DCUN1D2: variants seen among roughly 807,000 people sequenced by gnomAD.
The protein encoded by DCUN1D2 is DCN1-like protein 2.
A neutral mutation model predicts 30.9 loss-of-function variants in DCUN1D2; 29 were observed. The ratio of observed to expected loss-of-function variants is 0.94; its 90% CI spans 0.70 to 1.28. The LOEUF (loss-of-function observed/expected upper bound fraction) is 1.28, where lower values mean the gene tolerates loss of function less well. DCUN1D2 is among the 50% of genes most tolerant of loss of function. The pLI, the probability that DCUN1D2 is intolerant of heterozygous loss-of-function variation, is 0.00. For missense variants in DCUN1D2, 325 were observed against 316.9 expected, an observed-to-expected ratio of 1.03 and a Z score of -0.19; for synonymous variants, 121 against 115.3, an observed-to-expected ratio of 1.05 and a Z score of -0.32.
In DCUN1D2 at chr13:113,483,919, G is replaced by C. The variant is rs1320049791; in HGVS notation, c.141C>G (p.Asn47Lys). The change falls in exon 2 of 7, where the codon AAC (asparagine) becomes AAG (lysine). Residue 47 changes from asparagine to lysine, a missense_variant. Physicochemically the swap from Asn to Lys is moderately conservative, Grantham distance 94. Transcript: ENST00000478244. ...LDEATDSFFQNPDSLHRESMR... is the reference protein window; with the variant it reads ...LDEATDSFFQKPDSLHRESMR... ...TGGACTCCCTGTGGAGCGAGTCTGG[G>C]TTTTGGAAGAAGCTGTCCGTGGCCT... The C allele has an allele frequency of 6.2e-7, 1 of 1,613,932 alleles. No homozygotes were observed. Among genetic ancestry groups the C allele is most frequent in the East Asian group, 2.2e-5 (1 of 44,896 alleles).
intron 6 of DCUN1D2, among the ~76,000 whole-genome samples, 190 bp from the exon 7 acceptor site, chr13:113,458,298 G>A (rs1038900951): frequency 4.6e-5 from 7 of 152,234 alleles, no homozygotes; most frequent in Admixed American, 2.6e-4. Context: ...CAGGTCGGGA[G>A]CCCTGGTGTG....
At chr13:113,469,368 A>G (rs962708527) in intron 4 of DCUN1D2, among the ~76,000 whole-genome samples, 1 of 152,166 alleles carries the variant, frequency 6.6e-6, no homozygotes, top group Non-Finnish European at 1.5e-5. Flanking sequence ...TGGGAAACAC[A>G]CCAACAGAAC....
intron 5 of DCUN1D2, among the ~76,000 whole-genome samples, chr13:113,459,785 A>C (rs1051089835): frequency 4.0e-5 from 6 of 151,134 alleles, no homozygotes; most frequent in Admixed American, 1.3e-4. Context: ...AATTACACAT[A>C]GTTTTCTGCA....
upstream of DCUN1D2, chr13:113,490,732 G>C (rs940656654): frequency 6.8e-6 from 8 of 1,174,242 alleles, no homozygotes; most frequent in Admixed American, 1.9e-4. The surrounding 1 kb of genome is among the most constrained non-coding windows in gnomAD (Gnocchi z 5.2). Context: ...CGGCGGCTCC[G>C]CCCTCGTCCT....
At chr13:113,491,439 TC>T (rs958750266), upstream of DCUN1D2, among the ~76,000 whole-genome samples, 11 of 129,070 alleles carry the variant, frequency 8.5e-5, no homozygotes, top group Non-Finnish European at 3.2e-5. Flanking sequence ...CTCCCCTCTC[TC>T]CCTCCCCGGG....
chr13:113,488,613 G>A lies in DCUN1D2; in HGVS notation c.3+2054C>T, dbSNP rs1053057194. 6.6e-6 allele frequency among the ~76,000 whole-genome samples: 1 copy of A among 152,174 alleles called. No homozygotes were observed. The highest frequency in any genetic ancestry group is 6.5e-5 in the Admixed American group (1 of 15,286). Reference sequence around the variant, plus strand: ...CTAAACCCAGATCAAATTTACAAAGGCCCAGACATTGGCAGTAAGCTTTGA... The same window carrying A: ...CTAAACCCAGATCAAATTTACAAAGACCCAGACATTGGCAGTAAGCTTTGA... On this transcript the variant is annotated intron_variant, in intron 1 of 6. Transcript: ENST00000478244. The surrounding 1 kb of genome is among the most constrained non-coding windows in gnomAD (Gnocchi z 4.3).
intron 3 of DCUN1D2, among the ~76,000 whole-genome samples, chr13:113,477,370 T>C (rs889138698): frequency 3.3e-5 from 5 of 152,220 alleles, no homozygotes; most frequent in Admixed American, 1.3e-4. Context: ...TCTAGGTATT[T>C]TGTATTTTTG....
chr13:113,456,133 G>T lies in DCUN1D2; in HGVS notation c.*1896C>A, dbSNP rs867160162. On this transcript the variant is annotated 3_prime_UTR_variant, in exon 7 of 7. Transcript: ENST00000478244. ...GTTTGTATTAATGCCAGTTTTTATT[G>T]TATTAGACAAATGCTCTCTGAGAAT... The T allele has an allele frequency of 2.5e-6, 1 of 398,388 alleles. No individual in the cohort carries two copies. Among genetic ancestry groups the T allele is most frequent in the Non-Finnish European group, 4.4e-6 (1 of 226,046 alleles). The allele number at this position is 398,388 out of a possible 1,614,324, so 24.7% of individuals were successfully genotyped here.
intron 4 of DCUN1D2, among the ~76,000 whole-genome samples, chr13:113,467,212 T>C (rs993506693): frequency 7.9e-5 from 12 of 152,170 alleles, no homozygotes; most frequent in African/African-American, 2.4e-4. Flanking sequence ...ACAAGTAATA[T>C]TGCTGGTGGT....
At chr13:113,461,287 C>G in intron 4 of DCUN1D2, 151 bp from the exon 5 acceptor site, 2 of 572,918 alleles carry the variant, frequency 3.5e-6, no homozygotes, top group Non-Finnish European at 6.1e-6. Context: ...CGGAAGTGCT[C>G]CTGAGAACTG....
At chr13:113,481,038 TA>T (rs2139732574) in intron 2 of DCUN1D2, among the ~76,000 whole-genome samples, 1 of 152,226 alleles carries the variant, frequency 6.6e-6, no homozygotes, top group African/African-American at 2.4e-5. Context: ...TTAATTTCCC[TA>T]AAGTGAAATA....
chr13:113,485,615 C>A (rs2044788439), intron 1 of DCUN1D2, among the ~76,000 whole-genome samples: 1 of 152,128 alleles, frequency 6.6e-6, no homozygotes, highest in African/African-American at 2.4e-5. Context: ...CAATTCCTCA[C>A]CAAAATGCCA....
rs1594136282 is a variant in DCUN1D2 at position 113,490,269 on chromosome 13, G to A, written c.3+398C>T. ...CTTCCTTGCGCTGTTTTGGTCAACA[G>A]CCTCAGCATCTGCACAGACGCCCGC... On this transcript the variant is annotated intron_variant, in intron 1 of 6. Transcript: ENST00000478244. The surrounding 1 kb of genome is among the most constrained non-coding windows in gnomAD (Gnocchi z 5.2). Among the ~76,000 whole-genome samples, 1 of 152,142 alleles carries A rather than the reference G, an allele frequency of 6.6e-6. No homozygotes were observed.
rs2044852084 is a variant in DCUN1D2, at chr13:113,488,778, A to T, written c.3+1889T>A. Among the ~76,000 whole-genome samples the T allele has an allele frequency of 6.6e-6, 1 of 152,238 alleles. No homozygotes were observed. The highest frequency in any genetic ancestry group is 3.2e-3 in the Middle Eastern group (1 of 316). ...ACACTGGAACTAGGGCCGCCCTTCA[A>T]GCTCACAACCTTCACTGAGGCTTAC... On this transcript the variant is annotated intron_variant, in intron 1 of 6. Coordinates refer to ENST00000478244, the MANE Select transcript of DCUN1D2 (RefSeq NM_001014283.2). The surrounding 1 kb of genome is among the most constrained non-coding windows in gnomAD (Gnocchi z 4.3).
At position 113,459,370 on chromosome 13, in the gene DCUN1D2, G is replaced by A. The variant is rs967008190; in HGVS notation, c.642C>T (p.Asn214=). The A allele has an allele frequency of 3.7e-6, 6 of 1,600,728 alleles. No homozygotes were observed. The highest frequency in any genetic ancestry group is 1.3e-5 in the African/African-American group (1 of 74,604). ...TCATGTTTCCAAAGTCCAGCAGGAGGTTCCAGGTGTCCCTTGGAATTGATC... is the reference window on the plus strand; with the variant it reads ...TCATGTTTCCAAAGTCCAGCAGGAGATTCCAGGTGTCCCTTGGAATTGATC... ...HKRSIPRDTW[N]LLLDFGNMIA... Residue 214 remains asparagine, a synonymous_variant, in exon 6 of 7, where the codon AAC becomes AAT. Coordinates refer to ENST00000478244, the MANE Select transcript of DCUN1D2 (RefSeq NM_001014283.2).
chr13:113,459,246 CAGG>C (rs1275257096), intron 6 of DCUN1D2, 63 bp downstream of exon 6: 15 of 862,280 alleles, frequency 1.7e-5, no homozygotes, highest in Middle Eastern at 2.2e-4. Context: ...ACTCTAGAGG[CAGG>C]AGAAGTTAAC....
chr13:113,480,590 C>A lies in DCUN1D2; in HGVS notation c.374G>T (p.Gly125Val). 2 of 1,614,050 alleles carry A rather than the reference C, an allele frequency of 1.2e-6. No homozygotes were observed. The highest frequency in any genetic ancestry group is 1.3e-5 in the African/African-American group (1 of 75,030). Reference sequence around the variant, plus strand: ...GTTGACTTACCCAAGTTCTGTCATGCCATCTAGAAATTCCTTTCTGCTAAA... The same window carrying A: ...GTTGACTTACCCAAGTTCTGTCATGACATCTAGAAATTCCTTTCTGCTAAA... ...CEFSRKEFLD[G>V]MTELGCDSME... Residue 125 changes from glycine to valine, a missense_variant, in exon 3 of 7, where the codon GGC (glycine) becomes GTC (valine). Gly to Val is a moderately radical substitution (Grantham distance 109). Transcript: ENST00000478244.
intron 3 of DCUN1D2, among the ~76,000 whole-genome samples, chr13:113,476,368 T>A (rs569647168): frequency 6.6e-6 from 1 of 152,168 alleles, no homozygotes; most frequent in Non-Finnish European, 1.5e-5. Flanking sequence ...CCCAAGAGGG[T>A]GGTTTGTTAT....
At chr13:113,459,845 C>T (rs933301428) in intron 5 of DCUN1D2, among the ~76,000 whole-genome samples, 8 of 152,160 alleles carry the variant, frequency 5.3e-5, no homozygotes, top group African/African-American at 1.2e-4. Flanking sequence ...TGCGGGCTGA[C>T]GTGTGTGAAT....
Sources: gnomAD v4.1 joint callset for allele counts (sites outside exome capture counted in the v4.1 genomes callset) on GRCh38, gnomAD v4.1.1 for gene constraint, Gnocchi (gnomAD v3.1) non-coding constraint, MANE v1.5 for transcripts, NCBI Gene and HGNC (gene_info 2026-07-23, HGNC 2026-07-21) for gene names.